Variants in ERC2 observed in about 807,000 individuals in gnomAD.
ERC2 encodes ERC protein 2.
In ERC2, 42 loss-of-function variants were observed where a neutral mutation model predicts 114.8. The observed-to-expected ratio is 0.37, with a 90% CI of 0.29 to 0.47. ERC2 has a LOEUF of 0.47. Ranked by LOEUF, ERC2 falls within the 20% of genes least tolerant of loss-of-function variation. ERC2 has a pLI of 0.99. For synonymous variants in ERC2, 454 were observed against 425.5 expected, an observed-to-expected ratio of 1.07 and a Z score of -0.82; for missense variants, 939 against 1,150.7, an observed-to-expected ratio of 0.82 and a Z score of 2.66.
intron 16 of ERC2, among the ~76,000 whole-genome samples, chr3:55,697,502 G>C (rs182013641): frequency 8.6e-4 from 131 of 152,302 alleles, no homozygotes; most frequent in African/African-American, 3.0e-3. Context: ...ATAAGAGTCA[G>C]TCAAGTGGAC....
chr3:56,384,406 G>C (rs927150851), intron 2 of ERC2, among the ~76,000 whole-genome samples: 2 of 152,056 alleles, frequency 1.3e-5, no homozygotes, highest in African/African-American at 4.8e-5. Context: ...TGGGTATAAA[G>C]TAGTATCTTA....
intron 10 of ERC2, among the ~76,000 whole-genome samples, chr3:56,001,244 T>C (rs2072031173): frequency 6.6e-6 from 1 of 152,050 alleles, no homozygotes; most frequent in South Asian, 2.1e-4. Context: ...GTTCCAGCAA[T>C]TATTTCTGTG....
intron 14 of ERC2, among the ~76,000 whole-genome samples, chr3:55,781,874 C>G (rs1413117902): frequency 4.5e-5 from 4 of 88,554 alleles, no homozygotes; most frequent in Non-Finnish European, 8.5e-5. Flanking sequence ...CTCAGCCTCA[C>G]AGAAAAAAAA....
intron 17 of ERC2, among the ~76,000 whole-genome samples, chr3:55,554,365 A>G (rs558110167): frequency 1.2e-4 from 19 of 152,318 alleles, no homozygotes; most frequent in African/African-American, 4.3e-4. Context: ...GCTTTATGGG[A>G]GCTGATGACA....
At chr3:55,975,692 G>T (rs971259637) in intron 12 of ERC2, among the ~76,000 whole-genome samples, 3 of 152,000 alleles carry the variant, frequency 2.0e-5, no homozygotes, top group African/African-American at 7.3e-5. Context: ...TTCATCCCAG[G>T]CTCAAAAAGT....
At chr3:55,550,627 G>A (rs1237087701) in intron 17 of ERC2, among the ~76,000 whole-genome samples, 1 of 152,170 alleles carries the variant, frequency 6.6e-6, no homozygotes, top group Non-Finnish European at 1.5e-5. Context: ...AGTCTGAGAT[G>A]GTCAGTGGCT....
chr3:55,531,212 A>T (rs138862738), intron 17 of ERC2, among the ~76,000 whole-genome samples: 244 of 152,208 alleles, frequency 1.6e-3, no homozygotes, highest in African/African-American at 5.7e-3. Context: ...CTTGGGCTTG[A>T]CTTGCTGGCT....
intron 14 of ERC2, among the ~76,000 whole-genome samples, chr3:55,750,478 G>A (rs2148965421): frequency 6.6e-6 from 1 of 152,260 alleles, no homozygotes; most frequent in South Asian, 2.1e-4. Context: ...ACTAAACTTG[G>A]CCCTTTCAAT....
chr3:55,689,875 G>C (rs1317840506), intron 16 of ERC2, among the ~76,000 whole-genome samples: 3 of 151,984 alleles, frequency 2.0e-5, no homozygotes, highest in African/African-American at 7.3e-5. Context: ...TCATAGGTTT[G>C]CTGTGCAAAT....
intron 14 of ERC2, among the ~76,000 whole-genome samples, chr3:55,831,828 G>C (rs2060611855): frequency 6.6e-6 from 1 of 152,198 alleles, no homozygotes; most frequent in Non-Finnish European, 1.5e-5. Flanking sequence ...AAGTGCAAGG[G>C]GCCAAGGAGT....
At chr3:55,978,525 C>G (rs1301621864) in intron 12 of ERC2, among the ~76,000 whole-genome samples, 1 of 152,204 alleles carries the variant, frequency 6.6e-6, no homozygotes, top group Non-Finnish European at 1.5e-5. Flanking sequence ...TCTCTCGTAT[C>G]AACTCCCTAC....
chr3:55,674,176 C>T lies in ERC2; in HGVS notation c.*39+9618G>A, dbSNP rs146655693. On this transcript the variant is annotated intron_variant, in intron 17 of 17. Transcript: ENST00000288221. ...GATGTGAAAAACAGTCATGTAATGC[C>T]AAGTAAATGATAACACCACCAAAAA... Among the ~76,000 whole-genome samples the T allele has an allele frequency of 3.2e-3, 483 of 152,220 alleles. 2 individuals are homozygous for T. The highest frequency in any genetic ancestry group is 0.011 in the African/African-American group (469 of 41,530).
At chr3:55,695,404 C>T (rs2062875207) in intron 16 of ERC2, among the ~76,000 whole-genome samples, 1 of 152,110 alleles carries the variant, frequency 6.6e-6, no homozygotes, top group Non-Finnish European at 1.5e-5. Context: ...GGGTCACAGC[C>T]CACCAGCTAT....
chr3:55,730,693 A>G (rs1486761178), intron 15 of ERC2, among the ~76,000 whole-genome samples: 1 of 152,238 alleles, frequency 6.6e-6, no homozygotes, highest in Non-Finnish European at 1.5e-5. Flanking sequence ...CAATGTAGTG[A>G]AACCCCATTT....
chr3:56,160,208 G>A (rs11917679), intron 4 of ERC2, among the ~76,000 whole-genome samples: 70,637 of 151,894 alleles, frequency 0.47, 16,739 homozygotes, highest in East Asian at 0.68. Flanking sequence ...GTGTAAGATG[G>A]CTTCTCACTG....
chr3:55,637,816 T>C (rs903531855), intron 17 of ERC2, among the ~76,000 whole-genome samples: 1 of 152,128 alleles, frequency 6.6e-6, no homozygotes, highest in African/African-American at 2.4e-5. Context: ...AAAAATAATG[T>C]GAATACTAGA....
At chr3:55,967,366 G>GA (rs2068819257) in intron 12 of ERC2, among the ~76,000 whole-genome samples, 1 of 152,136 alleles carries the variant, frequency 6.6e-6, no homozygotes, top group Non-Finnish European at 1.5e-5. Flanking sequence ...AGATAAAGCA[G>GA]AAAAAAGGAA....
intron 6 of ERC2, among the ~76,000 whole-genome samples, chr3:56,107,694 CA>C (rs2078745116): frequency 6.6e-6 from 1 of 152,116 alleles, no homozygotes. Context: ...TATAATAAAA[CA>C]GGGAAAACTA....
At chr3:55,771,530 C>T (rs2068200944) in intron 14 of ERC2, among the ~76,000 whole-genome samples, 1 of 152,128 alleles carries the variant, frequency 6.6e-6, no homozygotes, top group South Asian at 2.1e-4. Context: ...TCTCCAAATC[C>T]CATGCTCTTA....
Sources: gnomAD v4.1 joint callset for allele counts (sites outside exome capture counted in the v4.1 genomes callset) on GRCh38, gnomAD v4.1.1 for gene constraint, MANE v1.5 for transcripts, NCBI Gene and HGNC (gene_info 2026-07-23, HGNC 2026-07-21) for gene names.